Variants in AP5M1 observed in about 807,000 individuals in gnomAD.
AP5M1 encodes the protein AP-5 complex subunit mu-1.
Under a neutral mutation model 52.3 loss-of-function variants are expected in AP5M1, and 44 were observed. The observed-to-expected ratio is 0.84, with a 90% CI of 0.66 to 1.08. AP5M1 has a LOEUF of 1.08. Ranked by LOEUF, AP5M1 falls within the 50% of genes least tolerant of loss-of-function variation. The pLI, the probability that AP5M1 is intolerant of heterozygous loss-of-function variation, is 0.00. For missense variants in AP5M1, 526 were observed against 568.4 expected (o/e 0.93, Z 0.76); for synonymous variants, 213 against 199.0 (o/e 1.07, Z -0.59).
At chr14:57,284,717 G>A (rs1181194176) in intron 6 of AP5M1, among the ~76,000 whole-genome samples, 5 of 152,202 alleles carry the variant, frequency 3.3e-5, no homozygotes, top group East Asian at 1.9e-4. Flanking sequence ...CAAACTTGAC[G>A]CTTTTTAAGA....
rs1266730922 is a variant in AP5M1 at position 57,280,288 on chromosome 14, G to A, written c.814G>A (p.Val272Ile). ...PLQDILVHPC[V>I]TSLDSAILTS... ...TCAGGATATTCTAGTTCACCCTTGT[G>A]TAACTTCTCTTGACTCTGCAATTCT... The change falls in exon 3 of 8, where the codon GTA (valine) becomes ATA (isoleucine). Residue 272 changes from valine to isoleucine, a missense_variant. Val to Ile is a conservative substitution (Grantham distance 29). Coordinates refer to ENST00000261558, the MANE Select transcript of AP5M1 (RefSeq NM_018229.4). The A allele has an allele frequency of 1.2e-6, 2 of 1,613,972 alleles. No individual in the cohort carries two copies. The highest frequency in any genetic ancestry group is 4.5e-5 in the East Asian group (2 of 44,854).
chr14:57,282,284 G>A (rs1171154113), intron 4 of AP5M1, 56 bp downstream of exon 4: 1 of 1,304,508 alleles, frequency 7.7e-7, no homozygotes, highest in African/African-American at 1.5e-5. Context: ...CATTTCCACT[G>A]TCCCACAGTA....
chr14:57,275,447 GAGAGAGAAGAGAGA>G (rs1219426276), intron 2 of AP5M1: 1 of 147,764 alleles, frequency 6.8e-6, no homozygotes, highest in Admixed American at 8.0e-5. Context: ...GAAGAGAGAA[GAGAGAGAAGAGAGA>G]AGAGAAAAGA....
intron 2 of AP5M1, chr14:57,275,154 G>A (rs1884995241): frequency 4.4e-6 from 2 of 451,484 alleles, no homozygotes; most frequent in Non-Finnish European, 8.0e-6. Flanking sequence ...TAGCTTAGCT[G>A]GGAACTTTCA....
chr14:57,286,073 G>C (rs1009157158), intron 6 of AP5M1, 150 bp from the exon 7 acceptor site: 1 of 596,264 alleles, frequency 1.7e-6, no homozygotes, highest in Non-Finnish European at 3.0e-6. Context: ...ATATGTGTGC[G>C]CACACACACA....
rs1594714278 is a variant in AP5M1, at chr14:57,296,434, G to A, written c.*7550G>A. The stretch of plus-strand genomic sequence containing the variant: ...TTTCTATAACATGTACATTTATAGA[G>A]CATCATATATTTATTTTAAGTCTAG... On this transcript the variant is annotated 3_prime_UTR_variant, in exon 8 of 8. Coordinates refer to ENST00000261558, the MANE Select transcript of AP5M1 (RefSeq NM_018229.4). 1 of 151,948 alleles carries A rather than the reference G, an allele frequency of 6.6e-6. No homozygotes were observed. The highest frequency in any genetic ancestry group is 1.5e-5 in the Non-Finnish European group (1 of 67,936). The allele number at this position is 151,948 out of a possible 1,614,324, so 9.4% of individuals were successfully genotyped here.
chr14:57,288,848 C>T lies in AP5M1; in HGVS notation c.1437C>T (p.Ala479=), dbSNP rs762935639. 6.3e-7 allele frequency: 1 copy of T among 1,585,608 alleles called. No homozygotes were observed. Among genetic ancestry groups the T allele is most frequent in the Non-Finnish European group, 8.6e-7 (1 of 1,157,092 alleles). ...SSDYYIWNSK[A]PAPVTYGSLL... Reference sequence around the variant, plus strand: ...ATTATTACATCTGGAATTCTAAAGCCCCTGCTCCAGTAACATATGGATCAT... The same window carrying T: ...ATTATTACATCTGGAATTCTAAAGCTCCTGCTCCAGTAACATATGGATCAT... Residue 479 remains alanine, a synonymous_variant, in exon 8 of 8, where the codon GCC becomes GCT. Transcript: ENST00000261558.
rs1283017500 is a variant in AP5M1 at position 57,292,960 on chromosome 14, G to A, written c.*4076G>A. ...GAATAATTGCATTCATTTTCAGAAT[G>A]CTTTTTTAAAAAAAAAAAGTGACAG... On this transcript the variant is annotated 3_prime_UTR_variant, in exon 8 of 8. Transcript: ENST00000261558. 6.6e-6 allele frequency: 1 copy of A among 151,110 alleles called. No homozygotes were observed. Among genetic ancestry groups the A allele is most frequent in the Non-Finnish European group, 1.5e-5 (1 of 67,614 alleles). The allele number at this position is 151,110 out of a possible 1,614,324, so 9.4% of individuals were successfully genotyped here. A position where few individuals can be genotyped will look rare whatever the true frequency, so the allele number is the denominator to read the frequency against.
At chr14:57,283,783 C>A (rs1328899670) in intron 6 of AP5M1, among the ~76,000 whole-genome samples, 1 of 152,058 alleles carries the variant, frequency 6.6e-6, no homozygotes, top group African/African-American at 2.4e-5. Flanking sequence ...CCCAGGAGTT[C>A]AAGACCAGCC....
rs1011244665 is a variant in AP5M1 at position 57,291,049 on chromosome 14, A to C, written c.*2165A>C. 1 of 151,930 alleles carries C rather than the reference A, an allele frequency of 6.6e-6. No homozygotes were observed. The highest frequency in any genetic ancestry group is 1.5e-5 in the Non-Finnish European group (1 of 67,878). The allele number at this position is 151,930 out of a possible 1,614,324, so 9.4% of individuals were successfully genotyped here. ...CATTTCAAAGGGATTCCGATTCCAG[A>C]AGCTTAATCGTGATTGACATGTTCT... On this transcript the variant is annotated 3_prime_UTR_variant, in exon 8 of 8. Transcript: ENST00000261558.
At chr14:57,273,832 C>T (rs2139685023) in intron 1 of AP5M1, 3 of 674,650 alleles carry the variant, frequency 4.4e-6, no homozygotes, top group East Asian at 2.7e-5. Flanking sequence ...AATTGAACCA[C>T]TTTGTTAGCC....
intron 1 of AP5M1, among the ~76,000 whole-genome samples, chr14:57,269,922 C>T (rs1884841071): frequency 6.6e-6 from 1 of 152,190 alleles, no homozygotes; most frequent in African/African-American, 2.4e-5. Flanking sequence ...CGTTCTCCTG[C>T]CTCAGCCTCC....
At chr14:57,285,561 G>A (rs895290453) in intron 6 of AP5M1, among the ~76,000 whole-genome samples, 2 of 152,108 alleles carry the variant, frequency 1.3e-5, no homozygotes, top group Non-Finnish European at 2.9e-5. Context: ...TTGCTGAGAA[G>A]ATCTGAAAAT....
chr14:57,286,155 G>A (rs1015030095), intron 6 of AP5M1, 68 bp from the exon 7 acceptor site: 2 of 1,095,628 alleles, frequency 1.8e-6, no homozygotes, highest in East Asian at 2.4e-5. Context: ...TGGGTTAAGG[G>A]AAAAAATGTA....
At position 57,286,435 on chromosome 14, in the gene AP5M1, T is replaced by C. The variant is rs2139696715; in HGVS notation, c.1390+116T>C. 4.2e-6 allele frequency: 3 copies of C among 711,198 alleles called. No individual in the cohort carries two copies. The East Asian group carries it at 7.6e-5, about 18-fold the overall frequency. 44.1% of individuals were successfully genotyped at this position (711,198 alleles called of 1,614,324 possible). On this transcript the variant is annotated intron_variant, in intron 7 of 7. Transcript: ENST00000261558. Reference sequence around the variant, plus strand: ...GAGATTAGAGAATAATCCCAATTTATAAAATTCTGGGCTGATTCTACCCCA... The same window carrying C: ...GAGATTAGAGAATAATCCCAATTTACAAAATTCTGGGCTGATTCTACCCCA...
chr14:57,286,265 G>C lies in AP5M1; in HGVS notation c.1336G>C (p.Ala446Pro). 6.2e-7 allele frequency: 1 copy of C among 1,613,014 alleles called. No individual in the cohort carries two copies. Among genetic ancestry groups the C allele is most frequent in the Non-Finnish European group, 8.5e-7 (1 of 1,179,290 alleles). ...AGATTACACACTTACTGGATGTTAT[G>C]CAGATCAGCATTCAGTTCAAGTTTT... Reference protein sequence around the residue: ...ILDYTLTGCYADQHSVQVFAS... With the variant: ...ILDYTLTGCYPDQHSVQVFAS... The change falls in exon 7 of 8, where the codon GCA becomes CCA. Residue 446 changes from alanine (A) to proline (P), a missense_variant. Ala to Pro is a conservative substitution (Grantham distance 27, BLOSUM62 -1). This residue lies in a region of AP5M1 where 97 missense variants were observed against 121.3 expected (regional missense o/e 0.80). Transcript: ENST00000261558.
At chr14:57,286,897 C>G (rs967862276) in intron 7 of AP5M1, among the ~76,000 whole-genome samples, 2 of 151,920 alleles carry the variant, frequency 1.3e-5, no homozygotes, top group South Asian at 4.2e-4. Flanking sequence ...AGCACCTTCT[C>G]TATTCTATCA....
At position 57,269,318 on chromosome 14, in the gene AP5M1, G is replaced by C. The variant is rs1297370561; in HGVS notation, c.4G>C (p.Ala2Pro). 1 of 1,614,124 alleles carries C rather than the reference G, an allele frequency of 6.2e-7. No homozygotes were observed. Among genetic ancestry groups the C allele is most frequent in the East Asian group, 2.2e-5 (1 of 44,884 alleles). Residue 2 changes from alanine to proline, a missense_variant, in exon 1 of 8, where the codon GCG becomes CCG. Ala to Pro is a conservative substitution (Grantham distance 27, BLOSUM62 -1). This residue lies in a region of AP5M1 where 425 missense variants were observed against 430.6 expected (regional missense o/e 0.99). Coordinates refer to ENST00000261558, the MANE Select transcript of AP5M1 (RefSeq NM_018229.4). MAQRAVWLISHE... is the reference protein window; with the variant it reads MPQRAVWLISHE... ...CTAATGCTTTACTGACTTAACCATG[G>C]CGCAGCGGGCAGTGTGGCTCATAAG...
In AP5M1 at chr14:57,289,305, A is replaced by C. The variant is rs1332320041; in HGVS notation, c.*421A>C. 1 of 153,194 alleles carries C rather than the reference A, an allele frequency of 6.5e-6. No homozygotes were observed. The highest frequency in any genetic ancestry group is 1.5e-5 in the Non-Finnish European group (1 of 68,884). 9.5% of individuals were successfully genotyped at this position (153,194 alleles called of 1,614,324 possible). A position where few individuals can be genotyped will look rare whatever the true frequency, so the allele number is the denominator to read the frequency against. ...GGCAGCCACTCCCAGTGGGTTGTAG[A>C]TAATGTGCAAGATAAAAACTATTTT... On this transcript the variant is annotated 3_prime_UTR_variant, in exon 8 of 8. Transcript: ENST00000261558.
Sources: allele counts gnomAD v4.1 joint callset (sites outside exome capture counted in the v4.1 genomes callset), GRCh38; gene constraint gnomAD v4.1.1; regional missense constraint gnomAD v4.1.1; transcripts MANE v1.5; gene names NCBI Gene and HGNC (gene_info 2026-07-23, HGNC 2026-07-21).